CPED1: variants seen among roughly 807,000 people sequenced by gnomAD.
CPED1 encodes the protein cadherin-like and PC-esterase domain-containing protein 1.
CPED1 carries 114 observed loss-of-function variants against 128.2 expected under a neutral mutation model. The observed-to-expected ratio is 0.89, with a 90% CI of 0.76 to 1.04. The LOEUF (loss-of-function observed/expected upper bound fraction) is 1.04. Among genes scored for constraint, CPED1 ranks in the 50% least tolerant of loss-of-function variants. CPED1 has a pLI of 0.00. For missense variants in CPED1, 1,211 were observed against 1,207.1 expected, an observed-to-expected ratio of 1.00 and a Z score of -0.05; for synonymous variants, 462 against 426.7, an observed-to-expected ratio of 1.08 and a Z score of -1.02.
At chr7:121,128,604 T>C in intron 11 of CPED1, 118 bp downstream of exon 11, 1 of 620,594 alleles carries the variant, frequency 1.6e-6, no homozygotes, top group South Asian at 2.2e-5. Context: ...ATAGAAATCT[T>C]TATAAGCTAC....
intron 2 of CPED1, chr7:120,994,117 T>C (rs1172275393): frequency 6.4e-6 from 1 of 155,092 alleles, no homozygotes; most frequent in Non-Finnish European, 1.5e-5. Flanking sequence ...GATGAGGCAA[T>C]GTGGCCTACT....
At chr7:121,095,481 G>A (rs1175342825) in intron 5 of CPED1, among the ~76,000 whole-genome samples, 1 of 151,026 alleles carries the variant, frequency 6.6e-6, no homozygotes, top group East Asian at 1.9e-4. Flanking sequence ...TAATTACAGA[G>A]GTTTTTTTTT....
At chr7:121,129,666 T>A (rs1171787264) in intron 11 of CPED1, among the ~76,000 whole-genome samples, 1 of 151,924 alleles carries the variant, frequency 6.6e-6, no homozygotes, top group Admixed American at 6.6e-5. Flanking sequence ...AATAATTATT[T>A]TGCAAGAGAA....
intron 16 of CPED1, among the ~76,000 whole-genome samples, chr7:121,202,971 C>T (rs1166568806): frequency 6.6e-6 from 1 of 151,970 alleles, no homozygotes; most frequent in Non-Finnish European, 1.5e-5. Flanking sequence ...TAGAATTATT[C>T]CCTCCTTCTG....
At chr7:121,146,559 A>G (rs1350618407) in intron 16 of CPED1, among the ~76,000 whole-genome samples, 1 of 152,112 alleles carries the variant, frequency 6.6e-6, no homozygotes, top group African/African-American at 2.4e-5. Flanking sequence ...GCATGTTACC[A>G]TTTTGCCAAA....
intron 7 of CPED1, among the ~76,000 whole-genome samples, chr7:121,110,150 T>C (rs2116260119): frequency 6.6e-6 from 1 of 152,322 alleles, no homozygotes; most frequent in South Asian, 2.1e-4. Context: ...ACTTTCCATG[T>C]CTATAAAATA....
At chr7:121,170,025 G>A (rs1796615625) in intron 16 of CPED1, among the ~76,000 whole-genome samples, 3 of 152,076 alleles carry the variant, frequency 2.0e-5, no homozygotes, top group Admixed American at 2.0e-4. Flanking sequence ...CTACACCTTA[G>A]TGACACTTGC....
chr7:121,106,261 C>A (rs143788006), intron 7 of CPED1, among the ~76,000 whole-genome samples: 1 of 151,872 alleles, frequency 6.6e-6, no homozygotes, highest in Non-Finnish European at 1.5e-5. Context: ...GGGTAATGAA[C>A]GCATAGACAT....
chr7:121,112,181 T>C (rs896238382), intron 7 of CPED1, among the ~76,000 whole-genome samples: 4 of 152,144 alleles, frequency 2.6e-5, no homozygotes, highest in Admixed American at 6.5e-5. Context: ...TTTTTGCTTG[T>C]ATAGTAGATC....
intron 3 of CPED1, among the ~76,000 whole-genome samples, chr7:121,026,827 CTTTTTTTT>C (rs71170219): frequency 2.4e-5 from 2 of 83,472 alleles, no homozygotes; most frequent in Admixed American, 3.2e-4. Flanking sequence ...CCTGTCAGTT[CTTTTTTTT>C]TTTTTTTTTT....
At chr7:121,125,167 T>A (rs924962024) in intron 8 of CPED1, among the ~76,000 whole-genome samples, 1 of 152,218 alleles carries the variant, frequency 6.6e-6, no homozygotes, top group Non-Finnish European at 1.5e-5. Flanking sequence ...AATCCAAAAA[T>A]TTATCACATG....
chr7:121,289,535 T>C (rs1316352811), intron 22 of CPED1, among the ~76,000 whole-genome samples: 1 of 152,192 alleles, frequency 6.6e-6, no homozygotes, highest in Non-Finnish European at 1.5e-5. Context: ...TAACTAAAAC[T>C]ACTTCTCTTC....
In CPED1 at chr7:121,266,228, T is replaced by C; in HGVS notation, c.2312T>C (p.Ile771Thr). 1 of 1,603,910 alleles carries C rather than the reference T, an allele frequency of 6.2e-7. No individual in the cohort carries two copies. The highest frequency in any genetic ancestry group is 8.5e-7 in the Non-Finnish European group (1 of 1,171,136). Residue 771 changes from isoleucine (I) to threonine (T), a missense_variant and splice_region_variant, in exon 19 of 23, where the codon ATT (isoleucine) becomes ACT (threonine). Transcript: ENST00000310396. ...QLQQCLGGRK[I>T]LFIGDSTNRG... ...AAATGCTTTCTCTTTAACTTATAGA[T>C]TCTGTTCATTGGAGATTCAACCAAC...
chr7:121,012,283 A>G lies in CPED1; in HGVS notation c.250-3382A>G, dbSNP rs1792178222. Among the ~76,000 whole-genome samples the G allele has an allele frequency of 1.3e-5, 2 of 152,228 alleles. 1 individual carries two copies. The highest frequency in any genetic ancestry group is 4.1e-4 in the South Asian group (2 of 4,838). ...ATAAAAAGTGTCCAGTTATAAAACA[A>G]CTTTTATGTAGTCTAGCAAAGGGAT... On this transcript the variant is annotated intron_variant, in intron 2 of 22. Transcript: ENST00000310396.
At chr7:121,269,078 G>T (rs1471491416) in intron 21 of CPED1, among the ~76,000 whole-genome samples, 6 of 151,936 alleles carry the variant, frequency 3.9e-5, no homozygotes, top group Non-Finnish European at 7.4e-5. Context: ...GCACATAGAA[G>T]ACCCTCAAAA....
chr7:121,182,474 TTTA>T lies in CPED1; in HGVS notation c.2055+40336_2055+40338del, dbSNP rs1422302477. ...TTCCTTCTTTTCTTCCCTTTCTTTC[TTTA>T]TTTCTTCCTTTCTTTCCTCCTTCTT... On this transcript the variant is annotated intron_variant, in intron 16 of 22. Transcript: ENST00000310396. 3.3e-5 allele frequency among the ~76,000 whole-genome samples: 5 copies of T among 152,076 alleles called. No individual in the cohort carries two copies. In the East Asian group the frequency reaches 9.7e-4, roughly 29 times the overall value.
At chr7:121,288,441 A>T (rs918913478) in intron 22 of CPED1, among the ~76,000 whole-genome samples, 2 of 152,176 alleles carry the variant, frequency 1.3e-5, no homozygotes, top group African/African-American at 4.8e-5. Flanking sequence ...TAACCCCATC[A>T]TCCTGATTTC....
intron 5 of CPED1, among the ~76,000 whole-genome samples, chr7:121,067,573 T>C (rs1431795723): frequency 6.6e-6 from 1 of 152,204 alleles, no homozygotes. Context: ...GCAAAAAACA[T>C]ACGTGTGCAT....
intron 18 of CPED1, among the ~76,000 whole-genome samples, chr7:121,254,149 A>G (rs1009453541): frequency 7.9e-5 from 12 of 152,216 alleles, no homozygotes; most frequent in African/African-American, 2.2e-4. Context: ...AAGATTGAAT[A>G]CATGCTTGAA....
Sources: allele counts gnomAD v4.1 joint callset (sites outside exome capture counted in the v4.1 genomes callset), GRCh38; gene constraint gnomAD v4.1.1; transcripts MANE v1.5; gene names NCBI Gene and HGNC (gene_info 2026-07-23, HGNC 2026-07-21).